PDE4D: variants seen among roughly 807,000 people sequenced by gnomAD.
The protein encoded by PDE4D is phosphodiesterase 4D.
A neutral mutation model predicts 87.4 loss-of-function variants in PDE4D; 24 were observed. The ratio of observed to expected loss-of-function variants is 0.27; its 90% CI spans 0.20 to 0.39. The LOEUF (loss-of-function observed/expected upper bound fraction) is 0.39, where lower values mean the gene tolerates loss of function less well. Among genes scored for constraint, PDE4D ranks in the 10% least tolerant of loss-of-function variants. The probability of loss-of-function intolerance (pLI) is 1.00; values close to 1 mark genes in which losing one functional copy is unlikely to be tolerated. For missense variants in PDE4D, 714 were observed against 1,041.0 expected, an observed-to-expected ratio of 0.69 and a Z score of 4.32; for synonymous variants, 384 against 383.2, an observed-to-expected ratio of 1.00 and a Z score of -0.02.
chr5:60,061,767 A>G (rs1015345228), intron 2 of PDE4D, among the ~76,000 whole-genome samples: 7 of 150,806 alleles, frequency 4.6e-5, no homozygotes, highest in African/African-American at 1.5e-4. Context: ...GACCTCAGAT[A>G]TAAGACCATC....
intron 1 of PDE4D, among the ~76,000 whole-genome samples, chr5:59,243,542 C>T (rs1158145284): frequency 7.2e-6 from 1 of 138,166 alleles, no homozygotes; most frequent in Admixed American, 8.2e-5. Flanking sequence ...TCACTGCAAC[C>T]TCTGCTTCCC....
intron 5 of PDE4D, among the ~76,000 whole-genome samples, chr5:59,099,731 T>A (rs1770406415): frequency 6.6e-6 from 1 of 152,186 alleles, no homozygotes; most frequent in Non-Finnish European, 1.5e-5. Context: ...CAAAATAACA[T>A]CCACTATTAT....
chr5:59,979,133 C>T (rs982793403), intron 3 of PDE4D, among the ~76,000 whole-genome samples: 5 of 151,836 alleles, frequency 3.3e-5, no homozygotes, highest in Admixed American at 1.3e-4. Flanking sequence ...TATATACCTT[C>T]AAGAAATAAA....
chr5:59,207,555 T>G (rs569346640), intron 2 of PDE4D, among the ~76,000 whole-genome samples: 1 of 152,288 alleles, frequency 6.6e-6, no homozygotes, highest in Admixed American at 6.5e-5. Context: ...CTCTTAGAGA[T>G]TGCATTCTTT....
chr5:60,281,261 C>T (rs1482635000), intron 1 of PDE4D, among the ~76,000 whole-genome samples: 2 of 152,162 alleles, frequency 1.3e-5, no homozygotes, highest in Non-Finnish European at 1.5e-5. Context: ...TTTCTCCAAA[C>T]GTACAAGAAA....
intron 1 of PDE4D, among the ~76,000 whole-genome samples, chr5:60,353,855 G>T (rs1277353010): frequency 6.6e-6 from 1 of 152,046 alleles, no homozygotes; most frequent in Non-Finnish European, 1.5e-5. Flanking sequence ...GAAATTCACT[G>T]GGCCAGGGTC....
intron 1 of PDE4D, among the ~76,000 whole-genome samples, chr5:60,407,618 A>G (rs1741668865): frequency 6.6e-6 from 1 of 151,066 alleles, no homozygotes; most frequent in Admixed American, 6.6e-5. Flanking sequence ...ACACCCAGCT[A>G]ATTTTTGTAT....
At chr5:60,405,761 A>G (rs1042712709) in intron 1 of PDE4D, among the ~76,000 whole-genome samples, 1 of 152,226 alleles carries the variant, frequency 6.6e-6, no homozygotes, top group African/African-American at 2.4e-5. Flanking sequence ...TAATATGTTA[A>G]TCTCTAAAAC....
intron 1 of PDE4D, among the ~76,000 whole-genome samples, chr5:60,200,204 G>C (rs549993427): frequency 6.6e-6 from 1 of 151,658 alleles, no homozygotes; most frequent in South Asian, 2.1e-4. Context: ...CTGTAAAATA[G>C]TTGTCATTTT....
Position 59,185,238 on chromosome 5 carries a change from G to A in PDE4D, c.709C>T (p.Arg237Ter), listed in dbSNP as rs1742623635. The change falls in exon 4 of 15, where the codon CGA becomes TGA. Residue 237 changes from arginine to a stop codon, truncating the protein, a stop_gained. Transcript: ENST00000340635. LOFTEE classifies it high-confidence loss of function. The part of the protein sequence containing the change: ...AQVLASLRTV[R>*]NNFAALTNLQ... ...TTAGTTAATGCAGCAAAGTTGTTTC[G>A]TACAGTTCGCAGACTGGCCAAGACC... 4 of 1,612,668 alleles carry A rather than the reference G, an allele frequency of 2.5e-6. No homozygotes were observed. The highest frequency in any genetic ancestry group is 3.4e-6 in the Non-Finnish European group (4 of 1,179,022).
intron 1 of PDE4D, among the ~76,000 whole-genome samples, chr5:59,512,743 T>G (rs1036071386): frequency 1.3e-5 from 2 of 152,082 alleles, no homozygotes. Flanking sequence ...AAGGAACATT[T>G]GTAAAAAAAA....
At position 60,008,243 on chromosome 5, in the gene PDE4D, C is replaced by T. The variant is rs542239753; in HGVS notation, c.43-19526G>A. Among the ~76,000 whole-genome samples the T allele has an allele frequency of 1.4e-4, 21 of 151,924 alleles. 1 individual carries two copies. The highest frequency in any genetic ancestry group is 2.5e-4 in the Non-Finnish European group (17 of 67,854). On this transcript the variant is annotated intron_variant, in intron 2 of 16. Coordinates refer to the PDE4D transcript ENST00000502484. ...ATTCCCCAGTCCTTTTTTATCCCCC[C>T]GGGTGTTAGCACCCCGATTGCTATA...
intron 1 of PDE4D, among the ~76,000 whole-genome samples, chr5:59,408,225 C>A (rs1469972781): frequency 6.6e-6 from 1 of 152,214 alleles, no homozygotes; most frequent in Non-Finnish European, 1.5e-5. Context: ...CTGCTCCTTG[C>A]ATCATGGTCC....
chr5:59,237,803 G>T (rs1756803048), intron 1 of PDE4D, among the ~76,000 whole-genome samples: 1 of 150,490 alleles, frequency 6.6e-6, no homozygotes, highest in African/African-American at 2.4e-5. Context: ...GTGTGTGTGT[G>T]TGTGTGTGTG....
chr5:59,448,811 A>G (rs1012766208), intron 1 of PDE4D, among the ~76,000 whole-genome samples: 1 of 152,000 alleles, frequency 6.6e-6, no homozygotes, highest in African/African-American at 2.4e-5. Context: ...ATTTTTTTAA[A>G]TTTTGTAGAG....
At chr5:60,008,489 A>G (rs967658041) in intron 2 of PDE4D, among the ~76,000 whole-genome samples, 2 of 152,042 alleles carry the variant, frequency 1.3e-5, no homozygotes, top group Admixed American at 6.6e-5. Flanking sequence ...AGCTTTAGGT[A>G]TTCTTCACGT....
At chr5:60,217,846 A>T (rs1744041157) in intron 1 of PDE4D, among the ~76,000 whole-genome samples, 1 of 151,970 alleles carries the variant, frequency 6.6e-6, no homozygotes. Context: ...CCACAGTGAG[A>T]TACTACCACA....
intron 1 of PDE4D, among the ~76,000 whole-genome samples, chr5:59,709,751 C>T (rs755018264): frequency 6.6e-6 from 1 of 152,088 alleles, no homozygotes. Context: ...AAGGCAGTTG[C>T]TAAATGAGAA....
intron 3 of PDE4D, among the ~76,000 whole-genome samples, chr5:59,951,757 A>C (rs1758315796): frequency 6.6e-6 from 1 of 152,186 alleles, no homozygotes; most frequent in African/African-American, 2.4e-5. Context: ...CAGCAACTTA[A>C]TGTATTTTGT....
Sources: allele counts gnomAD v4.1 joint callset (sites outside exome capture counted in the v4.1 genomes callset), GRCh38; gene constraint gnomAD v4.1.1; transcripts MANE v1.5; gene names NCBI Gene and HGNC (gene_info 2026-07-23, HGNC 2026-07-21).